CEP63: variants seen among roughly 807,000 people sequenced by gnomAD.
The protein encoded by CEP63 is centrosomal protein 63.
Under a neutral mutation model 89.1 loss-of-function variants are expected in CEP63, and 84 were observed. The ratio of observed to expected loss-of-function variants is 0.94; its 90% CI spans 0.79 to 1.13. The LOEUF (loss-of-function observed/expected upper bound fraction) is 1.13. Ranked by LOEUF, CEP63 falls within the 50% of genes most tolerant of loss-of-function variation. The pLI, the probability that CEP63 is intolerant of heterozygous loss-of-function variation, is 0.00. For missense variants in CEP63, 838 were observed against 813.3 expected (o/e 1.03, Z -0.37); for synonymous variants, 267 against 272.5 (o/e 0.98, Z 0.20).
chr3:134,627,110 C>T, the CEP63 span, among the ~76,000 whole-genome samples: 8 of 152,192 alleles, frequency 5.3e-5, no homozygotes, highest in Non-Finnish European at 1.5e-5. Flanking sequence ...CATTTTCCAA[C>T]ATCTGAACAT....
chr3:134,618,724 T>C, the CEP63 span, among the ~76,000 whole-genome samples: 1 of 152,224 alleles, frequency 6.6e-6, no homozygotes, highest in East Asian at 1.9e-4. Context: ...CTGACAAATC[T>C]TTTCAGGTGG....
chr3:134,541,441 T>C (rs895619990), intron 6 of CEP63, among the ~76,000 whole-genome samples: 1 of 152,084 alleles, frequency 6.6e-6, no homozygotes, highest in Non-Finnish European at 1.5e-5. Context: ...TACTGACTAT[T>C]ACATTTTCAG....
the CEP63 span, among the ~76,000 whole-genome samples, chr3:134,731,513 G>C: frequency 2.6e-5 from 4 of 152,092 alleles, no homozygotes; most frequent in African/African-American, 9.7e-5. Context: ...AATAACTCAT[G>C]GGTCAAAAAA....
chr3:134,709,462 A>G, the CEP63 span, among the ~76,000 whole-genome samples: 2 of 143,122 alleles, frequency 1.4e-5, no homozygotes, highest in Non-Finnish European at 3.0e-5. Flanking sequence ...CATGTGAGAC[A>G]CATCTGAGGA....
At chr3:134,547,514 A>G in intron 9 of CEP63, 42 bp downstream of exon 9, 3 of 1,573,102 alleles carry the variant, frequency 1.9e-6, no homozygotes, top group Non-Finnish European at 1.7e-6. Flanking sequence ...CAAGTTGTTA[A>G]AATGAATTTT....
At chr3:134,689,645 G>C in the CEP63 span, among the ~76,000 whole-genome samples, 1 of 151,934 alleles carries the variant, frequency 6.6e-6, no homozygotes, top group African/African-American at 2.4e-5. Context: ...GTAGAGACAG[G>C]GTTTTGCAAT....
chr3:134,746,630 G>T, the CEP63 span, among the ~76,000 whole-genome samples: 1 of 152,132 alleles, frequency 6.6e-6, no homozygotes, highest in Non-Finnish European at 1.5e-5. Flanking sequence ...GGTGTGAGAT[G>T]GTAGGTATCT....
At chr3:134,608,557 C>G in the CEP63 span, 7 of 1,609,564 alleles carry the variant, frequency 4.3e-6, no homozygotes, top group Non-Finnish European at 5.9e-6. Context: ...GAAGGGCATG[C>G]CTTGAAAGCG....
At chr3:134,749,127 G>A in the CEP63 span, among the ~76,000 whole-genome samples, 3 of 152,186 alleles carry the variant, frequency 2.0e-5, no homozygotes, top group African/African-American at 7.2e-5. Flanking sequence ...AGTGGGACTC[G>A]CTGAAGACTT....
intron 3 of CEP63, among the ~76,000 whole-genome samples, chr3:134,531,302 C>T (rs1396104641): frequency 2.0e-5 from 3 of 152,000 alleles, no homozygotes; most frequent in South Asian, 2.1e-4. Context: ...GACACAGTTT[C>T]GGCCGGGCGC....
the CEP63 span, among the ~76,000 whole-genome samples, chr3:134,707,211 C>T: frequency 1.3e-5 from 2 of 152,170 alleles, no homozygotes; most frequent in East Asian, 1.9e-4. Context: ...CAGTCTCTTT[C>T]CTATAGAGGA....
the CEP63 span, among the ~76,000 whole-genome samples, chr3:134,647,698 T>C: frequency 6.6e-6 from 1 of 152,118 alleles, no homozygotes. Context: ...GTTAAAACAG[T>C]TTTCAAGGGC....
chr3:134,594,701 C>T, the CEP63 span, among the ~76,000 whole-genome samples: 2 of 152,220 alleles, frequency 1.3e-5, no homozygotes, highest in Non-Finnish European at 2.9e-5. Context: ...TGTAACTCAA[C>T]AGCTGTTTTG....
At chr3:134,524,191 T>C (rs1948143168) in intron 3 of CEP63, among the ~76,000 whole-genome samples, 1 of 152,200 alleles carries the variant, frequency 6.6e-6, no homozygotes, top group Non-Finnish European at 1.5e-5. Context: ...TCAGCTTGAC[T>C]GTTCATGGTG....
downstream of CEP63, among the ~76,000 whole-genome samples, chr3:134,587,901 T>G (rs1180432060): frequency 6.6e-6 from 1 of 151,738 alleles, no homozygotes; most frequent in Non-Finnish European, 1.5e-5. Context: ...AGTAAAGATG[T>G]AAGAGATTTG....
intron 1 of CEP63, among the ~76,000 whole-genome samples, chr3:134,492,209 G>T (rs527777661): frequency 6.6e-6 from 1 of 151,960 alleles, no homozygotes; most frequent in East Asian, 1.9e-4. Context: ...GTGTAGCTGG[G>T]ACTACAGGCG....
the CEP63 span, among the ~76,000 whole-genome samples, chr3:134,673,535 G>C: frequency 2.0e-3 from 312 of 152,284 alleles, 3 homozygotes; most frequent in Middle Eastern, 0.014. Flanking sequence ...CCCTGGCTCA[G>C]TGTGGCAGCC....
Position 134,564,482 on chromosome 3 carries a change from G to A in CEP63, c.*2947G>A, listed in dbSNP as rs766953418. ...TGGCTCTGACCAGACTTTGCTATCC[G>A]CTTTGATTTCTGTCTTTCAGGGGCT... is the stretch of plus-strand genomic sequence containing the variant. On this transcript the variant is annotated 3_prime_UTR_variant, in exon 15 of 15. Coordinates refer to ENST00000675561, the MANE Select transcript of CEP63 (RefSeq NM_001353108.3). 6.1e-6 allele frequency: 6 copies of A among 985,260 alleles called. No individual in the cohort carries two copies. The highest frequency in any genetic ancestry group is 5.2e-4 in the Middle Eastern group (1 of 1,936). 61.0% of individuals were successfully genotyped at this position (985,260 alleles called of 1,614,324 possible). A position where few individuals can be genotyped will look rare whatever the true frequency, so the allele number is the denominator to read the frequency against.
chr3:134,698,152 T>G, the CEP63 span, among the ~76,000 whole-genome samples: 1 of 152,234 alleles, frequency 6.6e-6, no homozygotes, highest in African/African-American at 2.4e-5. Context: ...TGCTTCACCT[T>G]CAGCAGCTCT....
Sources: gnomAD v4.1 joint callset for allele counts (sites outside exome capture counted in the v4.1 genomes callset) on GRCh38, gnomAD v4.1.1 for gene constraint, MANE v1.5 for transcripts, NCBI Gene and HGNC (gene_info 2026-07-23, HGNC 2026-07-21) for gene names.